The following ADAMTSL1 variants were observed in gnomAD, a reference collection of about 807,000 sequenced individuals.
ADAMTSL1 encodes the protein ADAMTS-like protein 1.
In ADAMTSL1, 126 loss-of-function variants were observed where a neutral mutation model predicts 201.8. The ratio of observed to expected loss-of-function variants is 0.62; its 90% CI spans 0.54 to 0.72. ADAMTSL1 has a LOEUF of 0.72. Among genes scored for constraint, ADAMTSL1 ranks in the 30% least tolerant of loss-of-function variants. The pLI is 0.00. For missense variants in ADAMTSL1, 2,679 were observed against 2,277.8 expected, an observed-to-expected ratio of 1.18 and a Z score of -3.59; for synonymous variants, 1,121 against 903.4, an observed-to-expected ratio of 1.24 and a Z score of -4.32.
intron 1 of ADAMTSL1, among the ~76,000 whole-genome samples, chr9:17,986,951 G>A (rs1283640298): frequency 6.6e-6 from 1 of 152,028 alleles, no homozygotes; most frequent in Non-Finnish European, 1.5e-5. Flanking sequence ...TCTTCTTATA[G>A]CCATTTTAGT....
intron 2 of ADAMTSL1, among the ~76,000 whole-genome samples, chr9:18,320,634 T>G (rs1834580025): frequency 6.6e-6 from 1 of 152,198 alleles, no homozygotes; most frequent in Non-Finnish European, 1.5e-5. Flanking sequence ...AAATAGCTGG[T>G]TTTTAATGCA....
intron 2 of ADAMTSL1, among the ~76,000 whole-genome samples, chr9:18,180,239 A>G (rs2132171383): frequency 6.6e-6 from 1 of 152,322 alleles, no homozygotes; most frequent in Non-Finnish European, 1.5e-5. Flanking sequence ...GTCTCCGATA[A>G]AACAGACTTT....
intron 1 of ADAMTSL1, among the ~76,000 whole-genome samples, chr9:17,917,857 T>C (rs1826158438): frequency 6.6e-6 from 1 of 151,992 alleles, no homozygotes; most frequent in African/African-American, 2.4e-5. Context: ...TGAATAGATA[T>C]GGGGCTATTA....
intron 1 of ADAMTSL1, among the ~76,000 whole-genome samples, chr9:18,066,953 C>T (rs1822731361): frequency 6.6e-6 from 1 of 151,942 alleles, no homozygotes; most frequent in African/African-American, 2.4e-5. Flanking sequence ...CACATGGACA[C>T]AGGAAGGGGA....
intron 4 of ADAMTSL1, among the ~76,000 whole-genome samples, chr9:18,601,429 G>GCTCT (rs1418329697): frequency 2.6e-5 from 4 of 152,300 alleles, no homozygotes; most frequent in Non-Finnish European, 4.4e-5. Flanking sequence ...AAATAACTTA[G>GCTCT]CTCTAATCAT....
Position 18,051,027 on chromosome 9 carries a change from T to G in ADAMTSL1, c.88-112835T>G, listed in dbSNP as rs1012955091. On this transcript the variant is annotated intron_variant, in intron 1 of 29. Coordinates refer to the ADAMTSL1 transcript ENST00000680146. ...AAAATATCCAGACTATATGGCCGGG[T>G]GCAGTGGCTCACGCCTGTAATCCCA... 5.3e-5 allele frequency among the ~76,000 whole-genome samples: 8 copies of G among 152,138 alleles called. No individual in the cohort carries two copies. The South Asian group carries it at 1.5e-3, about 28-fold the overall frequency.
chr9:18,430,744 A>C (rs1329726), intron 2 of ADAMTSL1, among the ~76,000 whole-genome samples: 46,064 of 152,108 alleles, frequency 0.3, 7,475 homozygotes, highest in East Asian at 0.47. Flanking sequence ...CCCTTGAGCT[A>C]GAACGAAAAT....
chr9:18,015,821 A>G (rs1349297327), intron 1 of ADAMTSL1, among the ~76,000 whole-genome samples: 1 of 151,992 alleles, frequency 6.6e-6, no homozygotes, highest in Non-Finnish European at 1.5e-5. Flanking sequence ...GATTAGGATA[A>G]GAGAGGACCT....
chr9:18,876,135 A>T (rs7041997), intron 23 of ADAMTSL1, among the ~76,000 whole-genome samples: 3 of 151,972 alleles, frequency 2.0e-5, no homozygotes, highest in African/African-American at 7.3e-5. Flanking sequence ...GTGAGTCCTT[A>T]TGTGTTAGGT....
At chr9:18,126,821 T>C (rs1825750775) in intron 1 of ADAMTSL1, among the ~76,000 whole-genome samples, 1 of 152,202 alleles carries the variant, frequency 6.6e-6, no homozygotes, top group African/African-American at 2.4e-5. Context: ...TCTATGCTTA[T>C]GCCTCTGGAT....
intron 1 of ADAMTSL1, among the ~76,000 whole-genome samples, chr9:17,944,234 A>T (rs1827361066): frequency 6.6e-6 from 1 of 152,184 alleles, no homozygotes; most frequent in African/African-American, 2.4e-5. Context: ...AGAGAATAAA[A>T]TACCTAGGAA....
At chr9:18,291,365 A>C (rs1018123973) in intron 2 of ADAMTSL1, among the ~76,000 whole-genome samples, 1 of 152,166 alleles carries the variant, frequency 6.6e-6, no homozygotes, top group Non-Finnish European at 1.5e-5. Context: ...GCCAGCTTAC[A>C]AACTAGAGAC....
intron 2 of ADAMTSL1, among the ~76,000 whole-genome samples, chr9:18,200,122 T>A (rs1451735122): frequency 6.6e-6 from 1 of 151,996 alleles, no homozygotes; most frequent in Non-Finnish European, 1.5e-5. Flanking sequence ...CTATGTAATA[T>A]ACCAAGTGAA....
At chr9:18,040,557 G>A (rs1162838416) in intron 1 of ADAMTSL1, among the ~76,000 whole-genome samples, 1 of 152,148 alleles carries the variant, frequency 6.6e-6, no homozygotes, top group Non-Finnish European at 1.5e-5. Context: ...AGCTTGAGCA[G>A]TCCTGCCATA....
chr9:18,478,876 A>C (rs534330920), intron 1 of ADAMTSL1, among the ~76,000 whole-genome samples: 8 of 152,308 alleles, frequency 5.3e-5, no homozygotes, highest in African/African-American at 1.9e-4. Flanking sequence ...GCTGGCTTCA[A>C]ACTTTGTGTT....
intron 1 of ADAMTSL1, among the ~76,000 whole-genome samples, chr9:18,082,394 C>T (rs922853478): frequency 5.9e-5 from 9 of 152,180 alleles, no homozygotes; most frequent in Admixed American, 5.9e-4. Context: ...TCACCGCAAC[C>T]TCCGCCTCCT....
intron 2 of ADAMTSL1, among the ~76,000 whole-genome samples, chr9:18,414,668 G>A (rs1398950356): frequency 6.6e-6 from 1 of 152,166 alleles, no homozygotes; most frequent in Non-Finnish European, 1.5e-5. Flanking sequence ...AAATTTCCCT[G>A]AGTTGAGGAG....
At chr9:18,396,884 AG>A (rs1477477570) in intron 2 of ADAMTSL1, among the ~76,000 whole-genome samples, 1 of 152,198 alleles carries the variant, frequency 6.6e-6, no homozygotes, top group African/African-American at 2.4e-5. Flanking sequence ...TAAAAACAAA[AG>A]CAAGAAACAA....
chr9:18,820,921 G>C (rs1824171715), intron 21 of ADAMTSL1, among the ~76,000 whole-genome samples: 1 of 152,212 alleles, frequency 6.6e-6, no homozygotes, highest in Non-Finnish European at 1.5e-5. Context: ...GCCTGAGGTA[G>C]AAAGAGCATG....
Sources: gnomAD v4.1 joint callset for allele counts (sites outside exome capture counted in the v4.1 genomes callset) on GRCh38, gnomAD v4.1.1 for gene constraint, MANE v1.5 for transcripts, NCBI Gene and HGNC (gene_info 2026-07-23, HGNC 2026-07-21) for gene names.